The following DENND1A variants were observed in gnomAD, a reference collection of about 807,000 sequenced individuals.
DENND1A encodes DENN domain-containing protein 1A.
A neutral mutation model predicts 113.7 loss-of-function variants in DENND1A; 51 were observed. The observed-to-expected ratio is 0.45, with a 90% CI of 0.36 to 0.57. The LOEUF is 0.57. DENND1A is among the 20% of genes least tolerant of loss of function. The pLI is 0.00. For synonymous variants in DENND1A, 565 were observed against 570.8 expected, an observed-to-expected ratio of 0.99 and a Z score of 0.14; for missense variants, 1,258 against 1,395.9, an observed-to-expected ratio of 0.90 and a Z score of 1.57.
chr9:123,387,197 T>G (rs2042610868), intron 22 of DENND1A, among the ~76,000 whole-genome samples: 1 of 152,188 alleles, frequency 6.6e-6, no homozygotes, highest in Non-Finnish European at 1.5e-5. Context: ...GGGTGAAACT[T>G]TTAAAAATCG....
At chr9:123,523,800 T>C (rs1327863753) in intron 13 of DENND1A, among the ~76,000 whole-genome samples, 1 of 152,210 alleles carries the variant, frequency 6.6e-6, no homozygotes, top group Admixed American at 6.5e-5. Flanking sequence ...ATGTATGGGC[T>C]ATATGCAGAA....
chr9:123,467,603 C>T (rs1227089756), intron 13 of DENND1A, among the ~76,000 whole-genome samples: 1 of 152,078 alleles, frequency 6.6e-6, no homozygotes, highest in Non-Finnish European at 1.5e-5. Context: ...TGCAGTGAGC[C>T]GAGATCGCGC....
rs893654376 is a variant in DENND1A, at chr9:123,414,087, C to T, written c.1489-2258G>A. 9 of 993,774 alleles carry T rather than the reference C, an allele frequency of 9.1e-6. No individual in the cohort carries two copies. In the African/African-American group the frequency reaches 1.0e-4, roughly 12 times the overall value. 61.6% of individuals were successfully genotyped at this position (993,774 alleles called of 1,614,324 possible). ...CCTGCTGGGTGGCAGTGCACCAGAG[C>T]GCTCGGGAGGCAGCCTCTAGGGGTC... is the stretch of plus-strand genomic sequence containing the variant. On this transcript the variant is annotated intron_variant, in intron 19 of 23. Coordinates refer to ENST00000394215, the MANE Select transcript of DENND1A (RefSeq NM_001352964.2).
chr9:123,601,951 G>A (rs76832437), intron 11 of DENND1A, among the ~76,000 whole-genome samples: 5,198 of 152,302 alleles, frequency 0.034, 94 homozygotes, highest in African/African-American at 0.051. Flanking sequence ...TGAGAAGGAA[G>A]AGCCCAGGAC....
At chr9:123,716,417 C>G (rs950551908) in intron 5 of DENND1A, among the ~76,000 whole-genome samples, 1 of 152,068 alleles carries the variant, frequency 6.6e-6, no homozygotes, top group Non-Finnish European at 1.5e-5. Flanking sequence ...TTTAAAAGGA[C>G]GAAGGAGGGG....
chr9:123,864,070 C>T (rs77210415), intron 2 of DENND1A, among the ~76,000 whole-genome samples: 1,529 of 151,020 alleles, frequency 0.01, 27 homozygotes, highest in African/African-American at 0.034. Flanking sequence ...AATAATATAG[C>T]TGTCCTTTTG....
At chr9:123,528,755 T>TGGCAGCTGGTAA (rs1564656784) in intron 13 of DENND1A, among the ~76,000 whole-genome samples, 1 of 152,234 alleles carries the variant, frequency 6.6e-6, no homozygotes, top group Non-Finnish European at 1.5e-5. Flanking sequence ...AGCTTTTGGG[T>TGGCAGCTGGTAA]GGCAGCTGGT....
chr9:123,568,731 C>G (rs1423671822), intron 12 of DENND1A, among the ~76,000 whole-genome samples: 1 of 152,076 alleles, frequency 6.6e-6, no homozygotes. Context: ...TGGTGGATCA[C>G]ATGGATACAT....
intron 21 of DENND1A, among the ~76,000 whole-genome samples, chr9:123,395,493 T>TGTGTGTGTGTGTGTGTGTGTGTGTGTGA (rs2043075187): frequency 1.4e-5 from 2 of 146,094 alleles, no homozygotes; most frequent in African/African-American, 5.0e-5. Flanking sequence ...TGTGTGTGTG[T>TGTGTGTGTGTGTGTGTGTGTGTGTGTGA]GACAGAGAGA....
intron 12 of DENND1A, among the ~76,000 whole-genome samples, chr9:123,581,350 A>T (rs2058883465): frequency 6.6e-6 from 1 of 152,156 alleles, no homozygotes; most frequent in Non-Finnish European, 1.5e-5. Context: ...AAATCCTGTT[A>T]CGGCTGGGCA....
chr9:123,629,108 G>A (rs1163349512), intron 10 of DENND1A, among the ~76,000 whole-genome samples: 2 of 152,174 alleles, frequency 1.3e-5, no homozygotes, highest in East Asian at 3.9e-4. Context: ...GGCTACTTGG[G>A]TGGACCTTTC....
At chr9:123,848,158 CA>C (rs1253217395) in intron 2 of DENND1A, among the ~76,000 whole-genome samples, 1 of 123,318 alleles carries the variant, frequency 8.1e-6, no homozygotes, top group Non-Finnish European at 1.6e-5. Flanking sequence ...AATAAACATG[CA>C]AAAATTTCTC....
intron 13 of DENND1A, among the ~76,000 whole-genome samples, chr9:123,482,803 T>TG (rs549728206): frequency 6.6e-6 from 1 of 152,196 alleles, no homozygotes; most frequent in South Asian, 2.1e-4. Flanking sequence ...GAGGGGAAGG[T>TG]GGGCAGAAGC....
chr9:123,381,103 A>G lies in DENND1A; in HGVS notation c.*329T>C. 1 of 299,014 alleles carries G rather than the reference A, an allele frequency of 3.3e-6. No homozygotes were observed. Among genetic ancestry groups the G allele is most frequent in the Non-Finnish European group, 6.3e-6 (1 of 157,956 alleles). The allele number at this position is 299,014 out of a possible 1,614,324, so 18.5% of individuals were successfully genotyped here. On this transcript the variant is annotated 3_prime_UTR_variant, in exon 24 of 24. Coordinates refer to ENST00000394215, the MANE Select transcript of DENND1A (RefSeq NM_001352964.2). This position sits in a 1 kb window ranked among gnomAD's most constrained non-coding sequence, Gnocchi z 4.7. ...GAGCCTCTTGGGACACTTCCGGGGG[A>G]AGGTGGGTAGGACTCGGTCTGGAGC...
intron 18 of DENND1A, among the ~76,000 whole-genome samples, chr9:123,449,245 G>A (rs1193066378): frequency 6.6e-6 from 1 of 152,180 alleles, no homozygotes; most frequent in Non-Finnish European, 1.5e-5. Flanking sequence ...CTTAAAGAAG[G>A]GTGGCAACAG....
intron 10 of DENND1A, among the ~76,000 whole-genome samples, chr9:123,610,303 T>A (rs1274302278): frequency 1.3e-5 from 2 of 152,248 alleles, no homozygotes; most frequent in East Asian, 3.8e-4. Context: ...TATGAGGAAC[T>A]TTAAATTCAT....
chr9:123,513,854 G>A (rs902245592), intron 13 of DENND1A, among the ~76,000 whole-genome samples: 3 of 152,146 alleles, frequency 2.0e-5, no homozygotes, highest in Non-Finnish European at 4.4e-5. Flanking sequence ...CCACTATGAT[G>A]TCTGCTTCAG....
intron 13 of DENND1A, among the ~76,000 whole-genome samples, chr9:123,538,099 A>G (rs2055929674): frequency 6.6e-6 from 1 of 152,190 alleles, no homozygotes; most frequent in African/African-American, 2.4e-5. Flanking sequence ...AAATAGTTAA[A>G]AGGTTTTCTG....
intron 11 of DENND1A, among the ~76,000 whole-genome samples, chr9:123,584,573 T>C (rs965131309): frequency 1.3e-5 from 2 of 152,234 alleles, no homozygotes; most frequent in South Asian, 2.1e-4. Flanking sequence ...AAGTAGCATA[T>C]ACTAGAAGCT....
Sources: gnomAD v4.1 joint callset for allele counts (sites outside exome capture counted in the v4.1 genomes callset) on GRCh38, gnomAD v4.1.1 for gene constraint, Gnocchi (gnomAD v3.1) non-coding constraint, MANE v1.5 for transcripts, NCBI Gene and HGNC (gene_info 2026-07-23, HGNC 2026-07-21) for gene names.